The following TFPI variants were observed in gnomAD, a reference collection of about 807,000 sequenced individuals.
The protein encoded by TFPI is anti-convertin.
A neutral mutation model predicts 34.6 loss-of-function variants in TFPI; 15 were observed. The ratio of observed to expected loss-of-function variants is 0.43; its 90% CI spans 0.29 to 0.67. The LOEUF (loss-of-function observed/expected upper bound fraction) is 0.67. Among genes scored for constraint, TFPI ranks in the 30% least tolerant of loss-of-function variants. TFPI has a pLI of 0.15. For missense variants in TFPI, 301 were observed against 364.0 expected, an observed-to-expected ratio of 0.83 and a Z score of 1.41; for synonymous variants, 105 against 120.1, an observed-to-expected ratio of 0.87 and a Z score of 0.82.
intron 1 of TFPI, chr2:187,529,595 AC>A (rs1055854391): frequency 6.6e-6 from 1 of 152,092 alleles, no homozygotes; most frequent in Non-Finnish European, 1.5e-5. Context: ...TATGTTAATT[AC>A]CCCCTAAAAC....
chr2:187,534,071 A>C (rs1403118787), intron 1 of TFPI, among the ~76,000 whole-genome samples: 1 of 152,216 alleles, frequency 6.6e-6, no homozygotes, highest in Non-Finnish European at 1.5e-5. Context: ...AGACTGAATG[A>C]AAAGACCAAA....
chr2:187,484,822 C>T lies in TFPI; in HGVS notation c.524G>A (p.Cys175Tyr), dbSNP rs776506802. ...AGAAATAAACTTACGACCATCTTCACAAATGTTCTTGCATTCTTCCAGTGT... is the reference window on the plus strand; with the variant it reads ...AGAAATAAACTTACGACCATCTTCATAAATGTTCTTGCATTCTTCCAGTGT... ...FETLEECKNI[C>Y]EDGPNGFQVD... is the part of the protein sequence containing the mutation. The change falls in exon 5 of 8, where the codon TGT becomes TAT. Residue 175 changes from cysteine to tyrosine, a missense_variant. By Grantham distance (194) the Cys-to-Tyr change is radical. Transcript: ENST00000233156. The T allele has an allele frequency of 6.3e-7, 1 of 1,585,742 alleles. No individual in the cohort carries two copies. Among genetic ancestry groups the T allele is most frequent in the Non-Finnish European group, 8.5e-7 (1 of 1,170,560 alleles).
At chr2:187,505,998 A>T (rs1009591028) in intron 1 of TFPI, among the ~76,000 whole-genome samples, 5 of 149,858 alleles carry the variant, frequency 3.3e-5, no homozygotes, top group African/African-American at 1.2e-4. Flanking sequence ...TTTTTTTTTT[A>T]AAAAAAAGAA....
At position 187,552,685 on chromosome 2, in the gene TFPI, T is replaced by G. The variant is rs188558809; in HGVS notation, c.-3+1515A>C. Among the ~76,000 whole-genome samples the G allele has an allele frequency of 2.8e-4, 42 of 151,960 alleles. No individual in the cohort carries two copies. The East Asian group carries it at 7.3e-3, about 27-fold the overall frequency. ...GTCATTGGTGGTAAAACAAAAGATATCAGACTGTACCTTAAAAACAAAGAA... is the reference window on the plus strand; with the variant it reads ...GTCATTGGTGGTAAAACAAAAGATAGCAGACTGTACCTTAAAAACAAAGAA... On this transcript the variant is annotated intron_variant, in intron 1 of 7. Transcript: ENST00000233156.
At chr2:187,502,700 CT>C (rs914016614) in intron 2 of TFPI, among the ~76,000 whole-genome samples, 1 of 152,080 alleles carries the variant, frequency 6.6e-6, no homozygotes, top group African/African-American at 2.4e-5. Context: ...TTGTGTACTA[CT>C]TTATACGGAA....
intron 1 of TFPI, among the ~76,000 whole-genome samples, chr2:187,513,341 C>T (rs1686775970): frequency 6.6e-6 from 1 of 152,000 alleles, no homozygotes; most frequent in South Asian, 2.1e-4. Flanking sequence ...ACCTTATGGT[C>T]CAACATTAAA....
intron 1 of TFPI, among the ~76,000 whole-genome samples, chr2:187,548,514 C>T (rs1387988331): frequency 6.6e-6 from 1 of 151,962 alleles, no homozygotes; most frequent in Non-Finnish European, 1.5e-5. Flanking sequence ...GATATTTTTT[C>T]ACTTACATTC....
chr2:187,526,656 G>T (rs1309176059), intron 1 of TFPI, among the ~76,000 whole-genome samples: 1 of 151,926 alleles, frequency 6.6e-6, no homozygotes, highest in Non-Finnish European at 1.5e-5. Context: ...AAAAATTTAT[G>T]GTGCTAACAT....
chr2:187,495,496 T>C (rs1232592530), intron 3 of TFPI, among the ~76,000 whole-genome samples: 1 of 152,204 alleles, frequency 6.6e-6, no homozygotes, highest in Non-Finnish European at 1.5e-5. Context: ...ACTGTGTTAG[T>C]AACATTCCTA....
Position 187,537,454 on chromosome 2 carries a change from T to A in TFPI, c.-3+16746A>T, listed in dbSNP as rs543879254. On this transcript the variant is annotated intron_variant, in intron 1 of 7. Transcript: ENST00000233156. ...ACGCCACACATCTACATCCATCTGA[T>A]CTTTGACACACCTGACAAAAACCAG... 6.6e-5 allele frequency among the ~76,000 whole-genome samples: 10 copies of A among 152,278 alleles called. No homozygotes were observed. The East Asian group carries it at 1.9e-3, about 29-fold the overall frequency.
chr2:187,489,407 T>C (rs1418818380), intron 3 of TFPI, among the ~76,000 whole-genome samples: 11 of 151,458 alleles, frequency 7.3e-5, no homozygotes, highest in Admixed American at 7.3e-4. Context: ...TGTATATGTA[T>C]AGCTGTATCT....
intron 1 of TFPI, among the ~76,000 whole-genome samples, chr2:187,512,472 A>G (rs1390795318): frequency 6.6e-6 from 1 of 151,752 alleles, no homozygotes; most frequent in Non-Finnish European, 1.5e-5. Flanking sequence ...CCTAAGAGGA[A>G]CTCCCTTCAG....
chr2:187,483,898 T>C (rs1475154971), intron 6 of TFPI: 1 of 495,626 alleles, frequency 2.0e-6, no homozygotes, highest in African/African-American at 2.0e-5. Flanking sequence ...TGATACATAA[T>C]CAAAAGCTTA....
At chr2:187,506,847 T>C (rs936946742) in intron 1 of TFPI, among the ~76,000 whole-genome samples, 2 of 152,128 alleles carry the variant, frequency 1.3e-5, no homozygotes, top group East Asian at 3.8e-4. Context: ...CTGACTGGGG[T>C]AATGATTGTT....
At chr2:187,472,705 A>G (rs182375345) in intron 6 of TFPI, among the ~76,000 whole-genome samples, 2 of 152,330 alleles carry the variant, frequency 1.3e-5, no homozygotes. Context: ...TATTTTATGT[A>G]CTATTCATAA....
chr2:187,504,301 T>G (rs1686048826), intron 1 of TFPI, among the ~76,000 whole-genome samples: 1 of 152,122 alleles, frequency 6.6e-6, no homozygotes, highest in African/African-American at 2.4e-5. Context: ...AAAAAATACA[T>G]TATTTACATC....
At chr2:187,531,863 T>C (rs1384725304) in intron 1 of TFPI, among the ~76,000 whole-genome samples, 1 of 152,164 alleles carries the variant, frequency 6.6e-6, no homozygotes, top group Non-Finnish European at 1.5e-5. Flanking sequence ...ACTTAAATAC[T>C]TTCTTCCAAA....
chr2:187,550,475 C>T (rs1436326016), intron 1 of TFPI, among the ~76,000 whole-genome samples: 3 of 151,904 alleles, frequency 2.0e-5, no homozygotes, highest in Non-Finnish European at 2.9e-5. Flanking sequence ...TAACTACATC[C>T]CAGAAGAGAG....
At chr2:187,544,317 G>C (rs1278098678) in intron 1 of TFPI, among the ~76,000 whole-genome samples, 2 of 152,008 alleles carry the variant, frequency 1.3e-5, no homozygotes, top group Non-Finnish European at 2.9e-5. Context: ...GAAATTTTGG[G>C]ATTATAATTT....
Sources: allele counts gnomAD v4.1 joint callset (sites outside exome capture counted in the v4.1 genomes callset), GRCh38; gene constraint gnomAD v4.1.1; transcripts MANE v1.5; gene names NCBI Gene and HGNC (gene_info 2026-07-23, HGNC 2026-07-21).